Variants in GTF3C5 observed in about 807,000 individuals in gnomAD.
GTF3C5 encodes the protein general transcription factor 3C polypeptide 5.
In GTF3C5, 47 loss-of-function variants were observed where a neutral mutation model predicts 61.0. That is an observed-to-expected ratio of 0.77 (90% CI 0.61 to 0.98). The LOEUF (loss-of-function observed/expected upper bound fraction) is 0.98, where lower values mean the gene tolerates loss of function less well. Ranked by LOEUF, GTF3C5 falls within the 50% of genes least tolerant of loss-of-function variation. GTF3C5 has a pLI of 0.00. For missense variants in GTF3C5, 659 were observed against 703.3 expected, an observed-to-expected ratio of 0.94 and a Z score of 0.71; for synonymous variants, 295 against 275.4, an observed-to-expected ratio of 1.07 and a Z score of -0.71.
chr9:133,047,585 G>A (rs956932213), intron 3 of GTF3C5, among the ~76,000 whole-genome samples: 4 of 151,476 alleles, frequency 2.6e-5, no homozygotes, highest in South Asian at 2.1e-4. Flanking sequence ...GCAGTGGCGC[G>A]ATCTCGGCTC....
chr9:133,056,292 C>T (rs1043490487), intron 9 of GTF3C5, among the ~76,000 whole-genome samples, 198 bp downstream of exon 9: 6 of 152,192 alleles, frequency 3.9e-5, no homozygotes, highest in Admixed American at 1.3e-4. Flanking sequence ...AGCCGTGGCT[C>T]CAAGCTGCGC....
intron 7 of GTF3C5, 45 bp from the exon 8 acceptor site, chr9:133,054,667 C>T (rs964635069): frequency 6.6e-7 from 1 of 1,512,902 alleles, no homozygotes. Flanking sequence ...GAGACACCTC[C>T]TCCCCACCCT....
At chr9:133,053,264 C>T (rs1025086244) in intron 5 of GTF3C5, among the ~76,000 whole-genome samples, 2 of 152,130 alleles carry the variant, frequency 1.3e-5, no homozygotes, top group African/African-American at 2.4e-5. Flanking sequence ...AAAGGCTCCA[C>T]GGGCGCTATC....
intron 1 of GTF3C5, among the ~76,000 whole-genome samples, chr9:133,036,466 A>C (rs915976528): frequency 6.6e-6 from 1 of 152,158 alleles, no homozygotes; most frequent in African/African-American, 2.4e-5. Context: ...CAAGCCATCC[A>C]CAGGTTACTG....
In GTF3C5 at chr9:133,044,919, G is replaced by A. The variant is rs183219712; in HGVS notation, c.572+993G>A. Among the ~76,000 whole-genome samples, 14 of 130,030 alleles carry A rather than the reference G, an allele frequency of 1.1e-4. No homozygotes were observed. The South Asian group carries it at 3.3e-3, about 30-fold the overall frequency. The allele number at this position is 130,030 out of a possible 152,430, so 85.3% of individuals were successfully genotyped here. A position where few individuals can be genotyped will look rare whatever the true frequency, so the allele number is the denominator to read the frequency against. ...CGCCACCCCCTGCCACCCACACACA[G>A]GCTCCGTGCACAGCCTGCCCAAGCC... On this transcript the variant is annotated intron_variant, in intron 3 of 10. Transcript: ENST00000372097.
intron 3 of GTF3C5, 158 bp downstream of exon 3, chr9:133,044,084 G>T (rs933212960): frequency 5.8e-6 from 3 of 518,908 alleles, no homozygotes; most frequent in Non-Finnish European, 1.0e-5. Flanking sequence ...GGCGGAGGTT[G>T]CAGTGAGCCA....
chr9:133,054,580 T>A, intron 7 of GTF3C5, 92 bp downstream of exon 7: 1 of 1,417,106 alleles, frequency 7.1e-7, no homozygotes, highest in Non-Finnish European at 9.8e-7. Flanking sequence ...TTCCTGGGGG[T>A]CACTCCAGGG....
chr9:133,030,774 C>G, upstream of GTF3C5: 3 of 625,616 alleles, frequency 4.8e-6, no homozygotes, highest in Non-Finnish European at 8.8e-6. Flanking sequence ...GCCCGGTGGA[C>G]TAACTCGCTT....
At chr9:133,049,291 G>A (rs1400157248) in intron 3 of GTF3C5, among the ~76,000 whole-genome samples, 1 of 152,200 alleles carries the variant, frequency 6.6e-6, no homozygotes, top group Non-Finnish European at 1.5e-5. Flanking sequence ...GTGACCACCC[G>A]GTTTTCCTGG....
intron 1 of GTF3C5, among the ~76,000 whole-genome samples, chr9:133,037,680 G>A (rs1001257910): frequency 6.6e-6 from 1 of 152,010 alleles, no homozygotes; most frequent in East Asian, 1.9e-4. Context: ...TCTTCCTAAC[G>A]GGTTAGTTCC....
chr9:133,050,920 C>G lies in GTF3C5; in HGVS notation c.710C>G (p.Thr237Arg), dbSNP rs200466713. 2 of 1,613,756 alleles carry G rather than the reference C, an allele frequency of 1.2e-6. No individual in the cohort carries two copies. The highest frequency in any genetic ancestry group is 1.1e-5 in the South Asian group (1 of 91,008). ...CAGCCACTGGAGGCTGCAGCCCAGA[C>G]GTGGAGGAGAGTCTGCACTAACCCC... ...PKQPLEAAAQ[T>R]WRRVCTNPVD... is the part of the protein sequence containing the mutation. Residue 237 changes from threonine (T) to arginine (R), a missense_variant, in exon 4 of 11, where the codon ACG (threonine) becomes AGG (arginine). Physicochemically the swap from Thr to Arg is moderately conservative, Grantham distance 71. Transcript: ENST00000372097.
chr9:133,038,292 G>A (rs1262373591), intron 1 of GTF3C5, among the ~76,000 whole-genome samples: 1 of 152,086 alleles, frequency 6.6e-6, no homozygotes, highest in Non-Finnish European at 1.5e-5. Flanking sequence ...GCGGCTGAAG[G>A]GGAGAGTCTA....
chr9:133,051,711 G>A (rs932240114), intron 4 of GTF3C5, among the ~76,000 whole-genome samples: 1 of 152,188 alleles, frequency 6.6e-6, no homozygotes, highest in Admixed American at 6.5e-5. Flanking sequence ...CACCTGTTCT[G>A]TAGATTGGGG....
At chr9:133,047,309 C>T (rs1032351062) in intron 3 of GTF3C5, among the ~76,000 whole-genome samples, 3 of 152,140 alleles carry the variant, frequency 2.0e-5, no homozygotes, top group African/African-American at 7.2e-5. Flanking sequence ...TAGTCTGTAA[C>T]ATCCTCTACC....
chr9:133,051,096 C>CA, intron 4 of GTF3C5, 118 bp downstream of exon 4: 3 of 683,268 alleles, frequency 4.4e-6, no homozygotes, highest in Non-Finnish European at 7.1e-6. Flanking sequence ...TTTACCCATT[C>CA]CTTAGTGCAT....
intron 1 of GTF3C5, among the ~76,000 whole-genome samples, chr9:133,031,993 A>G (rs184180843): frequency 1.3e-5 from 2 of 152,332 alleles, no homozygotes; most frequent in African/African-American, 4.8e-5. Context: ...AATGGAGAAC[A>G]AAGAACAGGG....
At chr9:133,042,425 G>T (rs1461943042) in intron 2 of GTF3C5, 119 bp downstream of exon 2, 1 of 716,492 alleles carries the variant, frequency 1.4e-6, no homozygotes, top group South Asian at 1.7e-5. Flanking sequence ...CCCAGGGGCT[G>T]TGGGGACACA....
intron 3 of GTF3C5, among the ~76,000 whole-genome samples, chr9:133,049,218 A>G (rs1185565370): frequency 6.6e-6 from 1 of 152,200 alleles, no homozygotes; most frequent in Non-Finnish European, 1.5e-5. Flanking sequence ...CGGTCTGGGG[A>G]TGCAGCCAAG....
chr9:133,051,684 C>T (rs922110918), intron 4 of GTF3C5, among the ~76,000 whole-genome samples: 3 of 152,214 alleles, frequency 2.0e-5, no homozygotes, highest in Admixed American at 6.5e-5. Flanking sequence ...TCAGCCCTGA[C>T]GATGTCCCAC....
Sources: gnomAD v4.1 joint callset for allele counts (sites outside exome capture counted in the v4.1 genomes callset) on GRCh38, gnomAD v4.1.1 for gene constraint, MANE v1.5 for transcripts, NCBI Gene and HGNC (gene_info 2026-07-23, HGNC 2026-07-21) for gene names.